Variants in LARGE1 observed in about 807,000 individuals in gnomAD.
LARGE1 encodes the protein LARGE xylosyl- and glucuronyltransferase 1.
LARGE1 carries 43 observed loss-of-function variants against 87.6 expected under a neutral mutation model. That is an observed-to-expected ratio of 0.49 (90% confidence interval 0.38 to 0.63). The LOEUF (loss-of-function observed/expected upper bound fraction) is 0.63. LARGE1 is among the 30% of genes least tolerant of loss of function. The probability of loss-of-function intolerance (pLI) is 0.00; values close to 1 mark genes in which losing one functional copy is unlikely to be tolerated. For synonymous variants in LARGE1, 434 were observed against 394.6 expected, an observed-to-expected ratio of 1.10 and a Z score of -1.18; for missense variants, 802 against 1,000.2, an observed-to-expected ratio of 0.80 and a Z score of 2.67.
chr22:33,919,775 C>T (rs2065891030), intron 1 of LARGE1, among the ~76,000 whole-genome samples: 1 of 152,222 alleles, frequency 6.6e-6, no homozygotes, highest in South Asian at 2.1e-4. Context: ...CCTGTGTGCC[C>T]AGAAGCCGAG....
intron 11 of LARGE1, among the ~76,000 whole-genome samples, chr22:33,211,776 GA>G (rs1447050138): frequency 6.6e-6 from 1 of 151,828 alleles, no homozygotes; most frequent in African/African-American, 2.4e-5. Flanking sequence ...CTGTCTCAAA[GA>G]AAAAAAAGTG....
chr22:33,918,120 G>A (rs1221788984), intron 1 of LARGE1, among the ~76,000 whole-genome samples: 1 of 152,146 alleles, frequency 6.6e-6, no homozygotes, highest in Non-Finnish European at 1.5e-5. Context: ...CCCAAGAGAT[G>A]GAAGCACTTC....
the LARGE1 span, among the ~76,000 whole-genome samples, chr22:33,071,385 A>G: frequency 6.6e-6 from 1 of 152,154 alleles, no homozygotes; most frequent in Non-Finnish European, 1.5e-5. Context: ...AGATGTTTAT[A>G]CACGTTGTTA....
chr22:33,089,437 T>C, the LARGE1 span, among the ~76,000 whole-genome samples: 4 of 138,848 alleles, frequency 2.9e-5, no homozygotes, highest in Non-Finnish European at 4.5e-5. Flanking sequence ...CTTCCTCTTC[T>C]TCTTCCTCTT....
intron 1 of LARGE1, among the ~76,000 whole-genome samples, chr22:33,801,466 C>T (rs1388061166): frequency 1.3e-5 from 2 of 152,098 alleles, no homozygotes; most frequent in South Asian, 2.1e-4. Flanking sequence ...TGTTGTTGAG[C>T]ATCTTTTCAT....
chr22:33,640,215 A>G (rs1488872140), intron 3 of LARGE1, among the ~76,000 whole-genome samples: 2 of 152,196 alleles, frequency 1.3e-5, no homozygotes, highest in Non-Finnish European at 2.9e-5. Flanking sequence ...AAATCCTTAA[A>G]GACACCAAAT....
At chr22:33,808,254 C>T (rs566475210) in intron 1 of LARGE1, among the ~76,000 whole-genome samples, 9 of 152,202 alleles carry the variant, frequency 5.9e-5, no homozygotes, top group Non-Finnish European at 1.3e-4. Context: ...TGATGACAAA[C>T]GACATGGAGC....
intron 7 of LARGE1, among the ~76,000 whole-genome samples, chr22:33,408,987 G>T (rs1412865668): frequency 6.6e-6 from 1 of 152,152 alleles, no homozygotes; most frequent in Non-Finnish European, 1.5e-5. Context: ...ATTGAGCTCG[G>T]TATGAAGTCT....
intron 11 of LARGE1, among the ~76,000 whole-genome samples, chr22:33,251,288 C>T (rs1230426091): frequency 6.6e-6 from 1 of 152,210 alleles, no homozygotes; most frequent in Admixed American, 6.5e-5. Flanking sequence ...CTCTTCTTTA[C>T]TCCTGATGGC....
the LARGE1 span, among the ~76,000 whole-genome samples, chr22:33,115,535 A>C: frequency 6.6e-6 from 1 of 151,928 alleles, no homozygotes; most frequent in East Asian, 1.9e-4. Flanking sequence ...AGAAGAGAAG[A>C]GGCCAGGCGA....
Position 33,849,592 on chromosome 22 carries a change from C to CTTTTTTT in LARGE1, c.-83+70396_-83+70402dup, listed in dbSNP as rs71187287. Among the ~76,000 whole-genome samples, 52 of 88,592 alleles carry CTTTTTTT rather than the reference C, an allele frequency of 5.9e-4. 1 individual carries two copies. Among genetic ancestry groups the CTTTTTTT allele is most frequent in the African/African-American group, 9.5e-4 (20 of 21,148 alleles). The allele number at this position is 88,592 out of a possible 152,430, so 58.1% of individuals were successfully genotyped here. ...CTTTAGTTCTTTTTTCTTTTCTTCT[C>CTTTTTTT]TTTTTTTTTTTTTTTTTTTTTTTTG... On this transcript the variant is annotated intron_variant, in intron 1 of 14. Coordinates refer to ENST00000397394, the MANE Select transcript of LARGE1 (RefSeq NM_133642.5).
intron 1 of LARGE1, among the ~76,000 whole-genome samples, chr22:33,794,671 A>G (rs1348054222): frequency 6.7e-6 from 1 of 149,088 alleles, no homozygotes; most frequent in Non-Finnish European, 1.5e-5. Flanking sequence ...CCCAGGCTGG[A>G]GCACAGTGGC....
chr22:33,189,764 T>C (rs1490556166), intron 11 of LARGE1, among the ~76,000 whole-genome samples: 1 of 152,128 alleles, frequency 6.6e-6, no homozygotes, highest in African/African-American at 2.4e-5. Context: ...GCACAGACTG[T>C]TCCATCAGTT....
intron 2 of LARGE1, among the ~76,000 whole-genome samples, chr22:33,755,729 G>A (rs1459859026): frequency 6.6e-6 from 1 of 152,158 alleles, no homozygotes; most frequent in Non-Finnish European, 1.5e-5. Context: ...TTCCCTACCA[G>A]CGGTTCCTGT....
chr22:33,352,314 AAGACTGTGACATTATGAC>A (rs1330055224), intron 9 of LARGE1, among the ~76,000 whole-genome samples: 4 of 152,216 alleles, frequency 2.6e-5, no homozygotes, highest in African/African-American at 9.6e-5. Context: ...AAAACCAGGA[AAGACTGTGACATTATGAC>A]AGACCCAAGG....
chr22:33,704,534 C>A (rs1346802037), intron 2 of LARGE1, among the ~76,000 whole-genome samples: 1 of 152,170 alleles, frequency 6.6e-6, no homozygotes, highest in Non-Finnish European at 1.5e-5. Flanking sequence ...TGCCGGGAGC[C>A]TCTCGCAACT....
intron 2 of LARGE1, among the ~76,000 whole-genome samples, chr22:33,720,345 T>C (rs1411591611): frequency 1.3e-5 from 2 of 151,774 alleles, no homozygotes; most frequent in Non-Finnish European, 2.9e-5. Flanking sequence ...TGATGGGGAG[T>C]GGCTGTAAAT....
intron 11 of LARGE1, among the ~76,000 whole-genome samples, chr22:33,192,782 A>G (rs1035474724): frequency 6.6e-6 from 1 of 152,078 alleles, no homozygotes; most frequent in African/African-American, 2.4e-5. Flanking sequence ...GTTTTCTTCT[A>G]GTGGTTTTAC....
At chr22:33,155,542 A>G in the LARGE1 span, among the ~76,000 whole-genome samples, 1 of 152,140 alleles carries the variant, frequency 6.6e-6, no homozygotes, top group African/African-American at 2.4e-5. Flanking sequence ...TGGTGGAAGA[A>G]ATTTCTAAGC....
Sources: allele counts gnomAD v4.1 joint callset (sites outside exome capture counted in the v4.1 genomes callset), GRCh38; gene constraint gnomAD v4.1.1; transcripts MANE v1.5; gene names NCBI Gene and HGNC (gene_info 2026-07-23, HGNC 2026-07-21).